Variants in RGL1 observed in about 807,000 individuals in gnomAD.
The protein encoded by RGL1 is ral guanine nucleotide dissociation stimulator-like 1.
RGL1 carries 24 observed loss-of-function variants against 95.2 expected under a neutral mutation model. The observed-to-expected ratio is 0.25, with a 90% CI of 0.18 to 0.35. RGL1 has a LOEUF of 0.35. Ranked by LOEUF, RGL1 falls within the 10% of genes least tolerant of loss-of-function variation. The pLI, the probability that RGL1 is intolerant of heterozygous loss-of-function variation, is 1.00. For missense variants in RGL1, 715 were observed against 936.3 expected (o/e 0.76, Z 3.08); for synonymous variants, 329 against 344.9 (o/e 0.95, Z 0.51).
At chr1:183,797,052 G>A (rs191806852) in intron 2 of RGL1, among the ~76,000 whole-genome samples, 25 of 152,192 alleles carry the variant, frequency 1.6e-4, no homozygotes, top group East Asian at 1.5e-3. Flanking sequence ...ACAATTGGCC[G>A]GGCACGGTGG....
intron 1 of RGL1, among the ~76,000 whole-genome samples, chr1:183,718,962 A>T (rs1232802375): frequency 6.6e-6 from 1 of 152,068 alleles, no homozygotes; most frequent in East Asian, 1.9e-4. Flanking sequence ...CACAAAAAGC[A>T]CCTAAGAAGG....
At chr1:183,903,034 A>C (rs892704583) in intron 12 of RGL1, among the ~76,000 whole-genome samples, 9 of 152,186 alleles carry the variant, frequency 5.9e-5, no homozygotes, top group African/African-American at 2.2e-4. Context: ...ATCACAAATA[A>C]ATATGTGAAG....
chr1:183,746,321 C>T (rs1657622948), intron 2 of RGL1, among the ~76,000 whole-genome samples: 2 of 152,048 alleles, frequency 1.3e-5, no homozygotes, highest in Admixed American at 1.3e-4. Flanking sequence ...GAGTTATACA[C>T]ACACACACAT....
intron 9 of RGL1, among the ~76,000 whole-genome samples, chr1:183,897,043 C>T (rs1037591380): frequency 2.0e-5 from 3 of 152,226 alleles, no homozygotes; most frequent in African/African-American, 4.8e-5. Flanking sequence ...CTTTCTTTCA[C>T]AGAATGCTGG....
chr1:183,657,787 G>A (rs373424058), intron 1 of RGL1, among the ~76,000 whole-genome samples: 8,356 of 149,572 alleles, frequency 0.056, 333 homozygotes, highest in African/African-American at 0.13. Context: ...ATGATTTATA[G>A]TCCTTTGGGT....
At chr1:183,710,718 A>T (rs1655209495) in intron 1 of RGL1, among the ~76,000 whole-genome samples, 3 of 152,190 alleles carry the variant, frequency 2.0e-5, no homozygotes, top group Admixed American at 1.3e-4. Flanking sequence ...CTTTTGAAGT[A>T]TCAGATCTCA....
At chr1:183,853,451 T>G (rs1214141122) in intron 3 of RGL1, among the ~76,000 whole-genome samples, 2 of 152,228 alleles carry the variant, frequency 1.3e-5, no homozygotes, top group Non-Finnish European at 2.9e-5. Context: ...AGTAATAGTC[T>G]GAATTACTCC....
chr1:183,802,671 ATG>A (rs1027779465), upstream of RGL1, among the ~76,000 whole-genome samples: 1 of 151,472 alleles, frequency 6.6e-6, no homozygotes, highest in African/African-American at 2.4e-5. Flanking sequence ...TAAAGAATTA[ATG>A]TGTTTCTATA....
chr1:183,823,093 C>T (rs1662603492), intron 2 of RGL1, among the ~76,000 whole-genome samples: 1 of 152,012 alleles, frequency 6.6e-6, no homozygotes, highest in African/African-American at 2.4e-5. Context: ...TTTTTTAACA[C>T]CACACATAAT....
upstream of RGL1, among the ~76,000 whole-genome samples, chr1:183,804,645 G>A (rs1277699099): frequency 3.9e-5 from 6 of 152,240 alleles, no homozygotes; most frequent in African/African-American, 1.4e-4. Flanking sequence ...TGTTGGCAGT[G>A]TGCTGATGCA....
chr1:183,899,105 A>G (rs1667870934), intron 10 of RGL1, among the ~76,000 whole-genome samples: 1 of 152,238 alleles, frequency 6.6e-6, no homozygotes, highest in Non-Finnish European at 1.5e-5. Flanking sequence ...TTCATTTCCA[A>G]CTTTTTATTC....
intron 1 of RGL1, among the ~76,000 whole-genome samples, chr1:183,717,857 C>T (rs1314006765): frequency 2.0e-5 from 3 of 152,170 alleles, no homozygotes; most frequent in Non-Finnish European, 1.5e-5. Context: ...TTGGTATGAG[C>T]ACAGAAGAAG....
At chr1:183,656,158 C>T (rs1470682735) in intron 1 of RGL1, among the ~76,000 whole-genome samples, 3 of 146,452 alleles carry the variant, frequency 2.0e-5, no homozygotes, top group Non-Finnish European at 4.5e-5. Context: ...ACAAGGAAGT[C>T]CCCTTGGCTC....
At chr1:183,815,856 ACC>A (rs961063033) in intron 2 of RGL1, among the ~76,000 whole-genome samples, 8 of 152,102 alleles carry the variant, frequency 5.3e-5, no homozygotes, top group African/African-American at 1.7e-4. Context: ...CAGCACCCCC[ACC>A]ATCAGGGCCC....
chr1:183,792,449 C>T (rs909561421), intron 2 of RGL1, among the ~76,000 whole-genome samples: 8 of 151,894 alleles, frequency 5.3e-5, no homozygotes, highest in South Asian at 2.1e-4. Context: ...TTTTATTCAA[C>T]GTAGTAGTGG....
intron 1 of RGL1, among the ~76,000 whole-genome samples, chr1:183,696,755 C>A (rs1210827268): frequency 6.6e-6 from 1 of 152,164 alleles, no homozygotes; most frequent in Non-Finnish European, 1.5e-5. Context: ...TCTCTCAGGC[C>A]CCAAATTTTA....
At chr1:183,877,575 G>A (rs114884755) in intron 4 of RGL1, among the ~76,000 whole-genome samples, 1,823 of 152,328 alleles carry the variant, frequency 0.012, 33 homozygotes, top group African/African-American at 0.035. Context: ...CTCTGCCGAT[G>A]AGGAGGGCAG....
At chr1:183,798,647 TC>T (rs1451776189) in intron 2 of RGL1, among the ~76,000 whole-genome samples, 1 of 152,060 alleles carries the variant, frequency 6.6e-6, no homozygotes, top group East Asian at 1.9e-4. Flanking sequence ...CTGTAGTAGA[TC>T]CCTAGAAGGT....
chr1:183,805,391 G>T, intron 1 of RGL1, 67 bp downstream of exon 1: 1 of 1,438,632 alleles, frequency 7.0e-7, no homozygotes, highest in South Asian at 1.2e-5. Flanking sequence ...CTTTCGCTGG[G>T]CGTGTTTTGG....
Sources: allele counts gnomAD v4.1 joint callset (sites outside exome capture counted in the v4.1 genomes callset), GRCh38; gene constraint gnomAD v4.1.1; transcripts MANE v1.5; gene names NCBI Gene and HGNC (gene_info 2026-07-23, HGNC 2026-07-21).